The following FER1L6 variants were observed in gnomAD, a reference collection of about 807,000 sequenced individuals.
FER1L6 encodes fer-1-like protein 6.
Under a neutral mutation model 219.2 loss-of-function variants are expected in FER1L6, and 177 were observed. The ratio of observed to expected loss-of-function variants is 0.81; its 90% CI spans 0.71 to 0.91. The LOEUF (loss-of-function observed/expected upper bound fraction) is 0.91, where lower values mean the gene tolerates loss of function less well. Ranked by LOEUF, FER1L6 falls within the 40% of genes least tolerant of loss-of-function variation. The pLI is 0.00. For missense variants in FER1L6, 2,153 were observed against 2,259.9 expected (o/e 0.95, Z 0.96); for synonymous variants, 768 against 824.3 (o/e 0.93, Z 1.17).
chr8:123,983,951 C>A (rs1015297342), intron 11 of FER1L6, among the ~76,000 whole-genome samples: 12 of 152,060 alleles, frequency 7.9e-5, no homozygotes, highest in African/African-American at 2.9e-4. Flanking sequence ...ATAGTGTGGG[C>A]AAAATTCTTA....
intron 1 of FER1L6, among the ~76,000 whole-genome samples, chr8:123,854,678 G>A (rs1354279328): frequency 6.6e-6 from 1 of 152,162 alleles, no homozygotes; most frequent in Non-Finnish European, 1.5e-5. Context: ...AAGCCTTGGG[G>A]ATGGGCTCTC....
intron 2 of FER1L6, among the ~76,000 whole-genome samples, chr8:123,957,257 T>C (rs1325284987): frequency 1.3e-5 from 2 of 152,198 alleles, no homozygotes; most frequent in Non-Finnish European, 2.9e-5. Context: ...CAGGTATTGA[T>C]AATGATTAAG....
In FER1L6 at chr8:123,970,067, G is replaced by C; in HGVS notation, c.417G>C (p.Val139=). 6.2e-7 allele frequency: 1 copy of C among 1,613,984 alleles called. No homozygotes were observed. Among genetic ancestry groups the C allele is most frequent in the East Asian group, 2.2e-5 (1 of 44,868 alleles). The stretch of plus-strand genomic sequence containing the variant: ...TCTTCGACTTCATTGGGCCCCAAGT[G>C]CATCTTTTTGACAAGATCATCAAAA... The part of the protein sequence containing the change: ...YFVFDFIGPQ[V]HLFDKIIKIS... The change falls in exon 6 of 41, where the codon GTG becomes GTC. Residue 139 remains valine (V), a synonymous_variant. Coordinates refer to ENST00000522917, the MANE Select transcript of FER1L6 (RefSeq NM_001039112.2).
chr8:123,886,458 C>G (rs1463365295), intron 1 of FER1L6, among the ~76,000 whole-genome samples: 1 of 152,200 alleles, frequency 6.6e-6, no homozygotes, highest in East Asian at 1.9e-4. Flanking sequence ...ATCAGGTTCC[C>G]CTTTGACCTA....
chr8:123,944,509 A>G (rs1442149065), intron 1 of FER1L6, among the ~76,000 whole-genome samples: 1 of 151,718 alleles, frequency 6.6e-6, no homozygotes, highest in East Asian at 1.9e-4. Flanking sequence ...CTTGTCTTCA[A>G]ATAAGAATAG....
intron 33 of FER1L6, among the ~76,000 whole-genome samples, chr8:124,083,772 C>T (rs1430919959): frequency 6.6e-6 from 1 of 151,976 alleles, no homozygotes; most frequent in African/African-American, 2.4e-5. Context: ...TGTGGTCCCA[C>T]GTAAATGTAA....
intron 1 of FER1L6, among the ~76,000 whole-genome samples, chr8:123,878,803 T>G (rs890146350): frequency 1.3e-5 from 2 of 152,230 alleles, no homozygotes; most frequent in Non-Finnish European, 2.9e-5. Flanking sequence ...AAAGAAAACC[T>G]TGTCACTGCT....
intron 6 of FER1L6, among the ~76,000 whole-genome samples, chr8:123,970,541 G>A (rs1815758390): frequency 6.6e-6 from 1 of 152,078 alleles, no homozygotes; most frequent in Non-Finnish European, 1.5e-5. Context: ...ATAGGAACAA[G>A]TACCAGGAAA....
intron 22 of FER1L6, 121 bp downstream of exon 22, chr8:124,049,877 T>C: frequency 2.9e-6 from 3 of 1,018,382 alleles, no homozygotes; most frequent in Non-Finnish European, 4.5e-6. Context: ...CACATCTGAA[T>C]GTGTCTCCTG....
At chr8:123,880,779 A>T (rs542001309) in intron 1 of FER1L6, among the ~76,000 whole-genome samples, 2 of 152,324 alleles carry the variant, frequency 1.3e-5, no homozygotes, top group South Asian at 2.1e-4. Context: ...TGGTTTGTTT[A>T]AAAGTGAGAT....
chr8:124,080,378 C>T (rs749273838), intron 32 of FER1L6, among the ~76,000 whole-genome samples: 2 of 151,958 alleles, frequency 1.3e-5, no homozygotes, highest in East Asian at 3.9e-4. Flanking sequence ...AGTGCAGTGG[C>T]GCGATCTTGG....
intron 2 of FER1L6, 92 bp from the exon 3 acceptor site, chr8:123,963,186 T>C: frequency 7.8e-6 from 12 of 1,546,734 alleles, no homozygotes; most frequent in East Asian, 2.3e-5. Flanking sequence ...GTACCACTTA[T>C]GGTGCCTGCC....
chr8:123,856,316 G>GTGTGTGTATATATATATATATA (rs71576706), intron 1 of FER1L6, among the ~76,000 whole-genome samples: 1 of 45,112 alleles, frequency 2.2e-5, no homozygotes, highest in Admixed American at 2.3e-4. Context: ...ATATGTATGT[G>GTGTGTGTATATATATATATATA]TATATATATA....
chr8:124,024,166 G>A (rs1322669012), intron 18 of FER1L6, among the ~76,000 whole-genome samples: 2 of 151,734 alleles, frequency 1.3e-5, no homozygotes, highest in Non-Finnish European at 2.9e-5. Context: ...AAAGTGCTGG[G>A]ATTACAAGCG....
At chr8:124,038,769 G>A (rs1261747261) in intron 19 of FER1L6, among the ~76,000 whole-genome samples, 1 of 152,114 alleles carries the variant, frequency 6.6e-6, no homozygotes, top group Non-Finnish European at 1.5e-5. Flanking sequence ...GCATTGTAGG[G>A]GGTGGAGGAG....
intron 1 of FER1L6, among the ~76,000 whole-genome samples, chr8:123,898,671 GTATA>G (rs1309978960): frequency 7.5e-6 from 1 of 133,626 alleles, no homozygotes; most frequent in African/African-American, 3.3e-5. Context: ...ATATATATAC[GTATA>G]TATATACATA....
chr8:124,118,787 C>A, intron 39 of FER1L6, 57 bp from the exon 40 acceptor site: 2 of 1,417,562 alleles, frequency 1.4e-6, no homozygotes, highest in Non-Finnish European at 2.0e-6. Flanking sequence ...TAGAAGGTTG[C>A]CATTGGCTCA....
intron 3 of FER1L6, 28 bp from the exon 4 acceptor site, chr8:123,965,979 A>T: frequency 6.3e-7 from 1 of 1,587,204 alleles, no homozygotes. Context: ...CCTTGATGAA[A>T]CAAACATATT....
chr8:123,966,023 A>G lies in FER1L6; in HGVS notation c.214A>G (p.Lys72Glu), dbSNP rs1815518186. The G allele has an allele frequency of 6.2e-7, 1 of 1,613,562 alleles. No homozygotes were observed. The highest frequency in any genetic ancestry group is 1.1e-5 in the South Asian group (1 of 90,954). The change falls in exon 4 of 41, where the codon AAG (lysine) becomes GAG (glutamate). Residue 72 changes from lysine to glutamate, a missense_variant. Physicochemically the swap from Lys to Glu is moderately conservative, Grantham distance 56. Coordinates refer to ENST00000522917, the MANE Select transcript of FER1L6 (RefSeq NM_001039112.2). ...TTTTAATAGATCAAAACTGTTGACTAAGATCCATGATGGGGAGGTCAGATC... is the reference window on the plus strand; with the variant it reads ...TTTTAATAGATCAAAACTGTTGACTGAGATCCATGATGGGGAGGTCAGATC... ...SPKRRSKLLTKIHDGEVRSQN... is the reference protein window; with the variant it reads ...SPKRRSKLLTEIHDGEVRSQN...
Sources: allele counts gnomAD v4.1 joint callset (sites outside exome capture counted in the v4.1 genomes callset), GRCh38; gene constraint gnomAD v4.1.1; transcripts MANE v1.5; gene names NCBI Gene and HGNC (gene_info 2026-07-23, HGNC 2026-07-21).